Variants in GRM5 observed in about 807,000 individuals in gnomAD.
GRM5 encodes the protein metabotropic glutamate receptor 5.
In GRM5, 19 loss-of-function variants were observed where a neutral mutation model predicts 83.1. The observed-to-expected ratio is 0.23, with a 90% CI of 0.16 to 0.34. The LOEUF is 0.34. GRM5 is among the 10% of genes least tolerant of loss of function. The pLI is 1.00. For missense variants in GRM5, 1,160 were observed against 1,588.3 expected, an observed-to-expected ratio of 0.73 and a Z score of 4.58; for synonymous variants, 675 against 633.6, an observed-to-expected ratio of 1.07 and a Z score of -0.98.
At chr11:89,063,398 A>T (rs1430408210) in intron 1 of GRM5, 1 of 152,310 alleles carries the variant, frequency 6.6e-6, no homozygotes, top group Admixed American at 6.5e-5. Flanking sequence ...AAACCACACT[A>T]TGAGCTACTC....
chr11:89,026,116 G>A (rs889162165), intron 2 of GRM5, among the ~76,000 whole-genome samples: 13 of 152,108 alleles, frequency 8.5e-5, no homozygotes, highest in Non-Finnish European at 1.9e-4. Flanking sequence ...AATATTGAAA[G>A]CAAATGGACA....
intron 3 of GRM5, among the ~76,000 whole-genome samples, chr11:88,679,774 C>T (rs1326914919): frequency 6.6e-6 from 1 of 152,148 alleles, no homozygotes; most frequent in Non-Finnish European, 1.5e-5. Context: ...TGTCACTTAG[C>T]TTCACCATAC....
intron 2 of GRM5, among the ~76,000 whole-genome samples, chr11:88,955,541 T>C (rs1938583075): frequency 6.6e-6 from 1 of 152,258 alleles, no homozygotes; most frequent in Admixed American, 6.5e-5. Flanking sequence ...GCCATATTTA[T>C]TTCTCCACTC....
chr11:88,933,598 T>TA (rs1369004996), intron 2 of GRM5, among the ~76,000 whole-genome samples: 1 of 151,878 alleles, frequency 6.6e-6, no homozygotes, highest in Non-Finnish European at 1.5e-5. Context: ...AATTTAGTCT[T>TA]ACTTGTAAGA....
At chr11:88,848,557 G>A (rs942588124) in intron 3 of GRM5, among the ~76,000 whole-genome samples, 2 of 152,106 alleles carry the variant, frequency 1.3e-5, no homozygotes, top group Non-Finnish European at 2.9e-5. Flanking sequence ...TCTTTACACT[G>A]GCTACGTGTT....
At chr11:88,685,503 C>G (rs141298754) in intron 3 of GRM5, among the ~76,000 whole-genome samples, 3,972 of 152,262 alleles carry the variant, frequency 0.026, 209 homozygotes, top group Admixed American at 0.14. Context: ...CAGAAATTTG[C>G]ATAAGTAACA....
In GRM5 at chr11:88,980,716, G is replaced by T. The variant is rs547004479; in HGVS notation, c.661+66496C>A. Among the ~76,000 whole-genome samples the T allele has an allele frequency of 5.7e-3, 874 of 152,136 alleles. 3 individuals carry two copies. The highest frequency in any genetic ancestry group is 7.3e-3 in the Non-Finnish European group (499 of 67,994). ...CAGGTGCCTGTAGTCCCAGCTACTTGGGAGGCTGATGCAGGAGAATGGCAT... is the reference window on the plus strand; with the variant it reads ...CAGGTGCCTGTAGTCCCAGCTACTTTGGAGGCTGATGCAGGAGAATGGCAT... On this transcript the variant is annotated intron_variant, in intron 2 of 9. Coordinates refer to ENST00000305447, the MANE Select transcript of GRM5 (RefSeq NM_001143831.3).
At chr11:88,530,383 T>G (rs551130098) in intron 8 of GRM5, among the ~76,000 whole-genome samples, 1 of 152,086 alleles carries the variant, frequency 6.6e-6, no homozygotes, top group Admixed American at 6.5e-5. Flanking sequence ...CACAATAGAT[T>G]TAATAAATTT....
chr11:88,515,717 C>A (rs142493322), intron 9 of GRM5, among the ~76,000 whole-genome samples: 2 of 152,260 alleles, frequency 1.3e-5, no homozygotes, highest in South Asian at 4.1e-4. Flanking sequence ...TTTTGTACTT[C>A]TTTTTCAAAA....
chr11:89,042,207 T>C (rs1192236100), intron 2 of GRM5, among the ~76,000 whole-genome samples: 3 of 152,154 alleles, frequency 2.0e-5, no homozygotes, highest in Non-Finnish European at 4.4e-5. Flanking sequence ...CCTTCTACTA[T>C]TTCAGATAGT....
chr11:88,795,769 T>C (rs780022654), intron 3 of GRM5, among the ~76,000 whole-genome samples: 3 of 152,188 alleles, frequency 2.0e-5, no homozygotes, highest in Non-Finnish European at 4.4e-5. Context: ...ATTCAGCCTA[T>C]GTTCATAACC....
intron 8 of GRM5, among the ~76,000 whole-genome samples, chr11:88,553,406 C>T (rs1038199384): frequency 1.3e-5 from 2 of 152,112 alleles, no homozygotes; most frequent in South Asian, 2.1e-4. Context: ...TTCCTGTTCC[C>T]CCTCATTTTC....
At chr11:88,811,332 GA>G (rs1943585542) in intron 3 of GRM5, among the ~76,000 whole-genome samples, 1 of 152,120 alleles carries the variant, frequency 6.6e-6, no homozygotes, top group Non-Finnish European at 1.5e-5. Flanking sequence ...AGCGGGATAT[GA>G]AATCTAAAAT....
chr11:88,509,160 G>A lies in GRM5; in HGVS notation c.3071C>T (p.Thr1024Met). Residue 1024 changes from threonine (T) to methionine (M), a missense_variant, in exon 10 of 10, where the codon ACG (threonine) becomes ATG (methionine). By Grantham distance (81) the Thr-to-Met change is moderately conservative. Around this residue, in one of 9 missense-constraint regions of GRM5, gnomAD observed 562 missense variants for 532.4 expected, o/e 1.06. Coordinates refer to ENST00000305447, the MANE Select transcript of GRM5 (RefSeq NM_001143831.3). ...GGCCGAGCCCGCGCGGTGGCTCAGC[G>A]TGCTGATGGGCGACGGTGAGCGCGG... ...ARPRSPSPIS[T>M]LSHRAGSASR... 7.1e-6 allele frequency: 11 copies of A among 1,538,622 alleles called. No individual in the cohort carries two copies. Among genetic ancestry groups the A allele is most frequent in the Non-Finnish European group, 9.6e-6 (11 of 1,144,030 alleles).
rs1477524496 is a variant in GRM5 at position 88,898,990 on chromosome 11, T to C, written c.662-48835A>G. ...TCTTAGTGGGTCAGAGTTTAGGTGG[T>C]ATTCGAACGAATCAAAGGGATATAC... On this transcript the variant is annotated intron_variant, in intron 2 of 9. Coordinates refer to ENST00000305447, the MANE Select transcript of GRM5 (RefSeq NM_001143831.3). 7.9e-5 allele frequency among the ~76,000 whole-genome samples: 12 copies of C among 152,082 alleles called. No homozygotes were observed. The East Asian group carries it at 2.3e-3, about 29-fold the overall frequency.
At chr11:88,640,369 TA>T (rs1218727170) in intron 4 of GRM5, among the ~76,000 whole-genome samples, 77 of 152,176 alleles carry the variant, frequency 5.1e-4, no homozygotes, top group Admixed American at 4.8e-3. Flanking sequence ...GTTCTGAGAG[TA>T]AAAACTTGAA....
intron 3 of GRM5, among the ~76,000 whole-genome samples, chr11:88,785,055 G>A (rs534828980): frequency 2.0e-5 from 3 of 152,050 alleles, no homozygotes; most frequent in South Asian, 2.1e-4. Flanking sequence ...CACTAAAACC[G>A]CAGGACATTT....
chr11:88,837,189 A>G (rs984694743), intron 3 of GRM5, among the ~76,000 whole-genome samples: 3 of 152,194 alleles, frequency 2.0e-5, no homozygotes, highest in Non-Finnish European at 4.4e-5. Flanking sequence ...GAAAATAGAG[A>G]AAAACATATT....
At chr11:88,587,814 A>C (rs898094584) in intron 7 of GRM5, among the ~76,000 whole-genome samples, 1 of 152,176 alleles carries the variant, frequency 6.6e-6, no homozygotes, top group Admixed American at 6.5e-5. Context: ...TGCTTTTTTA[A>C]TCCAATCATA....
Sources: allele counts gnomAD v4.1 joint callset (sites outside exome capture counted in the v4.1 genomes callset), GRCh38; gene constraint gnomAD v4.1.1; regional missense constraint gnomAD v4.1.1; transcripts MANE v1.5; gene names NCBI Gene and HGNC (gene_info 2026-07-23, HGNC 2026-07-21).